The following ADAM23 variants were observed in gnomAD, a reference collection of about 807,000 sequenced individuals.
The protein encoded by ADAM23 is disintegrin and metalloproteinase domain-containing protein 23.
A neutral mutation model predicts 120.1 loss-of-function variants in ADAM23; 33 were observed. That is an observed-to-expected ratio of 0.27 (90% CI 0.21 to 0.37). The LOEUF (loss-of-function observed/expected upper bound fraction) is 0.37, where lower values mean the gene tolerates loss of function less well. Among genes scored for constraint, ADAM23 ranks in the 10% least tolerant of loss-of-function variants. ADAM23 has a pLI of 1.00. For missense variants in ADAM23, 862 were observed against 1,058.2 expected, an observed-to-expected ratio of 0.81 and a Z score of 2.57; for synonymous variants, 367 against 375.2, an observed-to-expected ratio of 0.98 and a Z score of 0.25.
chr2:206,447,429 CT>C (rs1307249791), intron 2 of ADAM23, among the ~76,000 whole-genome samples: 1 of 152,172 alleles, frequency 6.6e-6, no homozygotes, highest in African/African-American at 2.4e-5. Context: ...AAGACATGAT[CT>C]ATCCTCCAGG....
chr2:206,543,381 A>G, intron 6 of ADAM23, 65 bp downstream of exon 6: 1 of 1,299,232 alleles, frequency 7.7e-7, no homozygotes, highest in East Asian at 2.3e-5. Context: ...CTTTGAGAAG[A>G]AAAGAGAAAA....
At chr2:206,501,247 T>C (rs1052982366) in intron 3 of ADAM23, among the ~76,000 whole-genome samples, 1 of 152,172 alleles carries the variant, frequency 6.6e-6, no homozygotes, top group Non-Finnish European at 1.5e-5. Flanking sequence ...TTCGAATCTC[T>C]TCTTATCCCT....
At chr2:206,455,641 T>TA (rs1695282923) in intron 2 of ADAM23, among the ~76,000 whole-genome samples, 1 of 152,228 alleles carries the variant, frequency 6.6e-6, no homozygotes, top group African/African-American at 2.4e-5. Flanking sequence ...TATGGGCACA[T>TA]ACTTTTAGAA....
chr2:206,530,978 AG>A, intron 4 of ADAM23, 30 bp downstream of exon 4: 2 of 1,595,172 alleles, frequency 1.3e-6, no homozygotes, highest in Non-Finnish European at 1.7e-6. Flanking sequence ...CAAGTACTCT[AG>A]TATAAGTGTG....
intron 23 of ADAM23, 93 bp downstream of exon 23, chr2:206,594,998 T>C (rs1369720604): frequency 6.7e-7 from 1 of 1,502,140 alleles, no homozygotes; most frequent in Non-Finnish European, 9.1e-7. Flanking sequence ...CTAGCCAACA[T>C]GGTGAAACAC....
At chr2:206,571,661 G>T in intron 16 of ADAM23, 66 bp from the exon 17 acceptor site, 1 of 1,147,054 alleles carries the variant, frequency 8.7e-7, no homozygotes, top group East Asian at 2.4e-5. Context: ...CATGCCACGT[G>T]TGGAGAGAAT....
At chr2:206,528,163 A>C (rs374160422) in intron 3 of ADAM23, among the ~76,000 whole-genome samples, 2 of 152,186 alleles carry the variant, frequency 1.3e-5, no homozygotes, top group East Asian at 3.9e-4. Context: ...AGAGAGACAC[A>C]GTTGGAATGT....
At position 206,584,369 on chromosome 2, in the gene ADAM23, C is replaced by T. The variant is rs1389647750; in HGVS notation, c.1738-2956C>T. ...CAAGGTCGTGCTTTCCAGAAAGCAT[C>T]AGCTGTAGTAGTGTGGAGAGGGACC... On this transcript the variant is annotated intron_variant, in intron 18 of 25. Transcript: ENST00000264377. 2.0e-5 allele frequency among the ~76,000 whole-genome samples: 3 copies of T among 152,342 alleles called. No individual in the cohort carries two copies. In the East Asian group the frequency reaches 5.8e-4, roughly 29 times the overall value.
At chr2:206,464,654 A>G (rs1256576448) in intron 2 of ADAM23, among the ~76,000 whole-genome samples, 2 of 134,776 alleles carry the variant, frequency 1.5e-5, no homozygotes, top group South Asian at 2.2e-4. Flanking sequence ...GAAGCTATAC[A>G]TACATCTTCT....
chr2:206,473,415 C>G (rs1695702517), intron 2 of ADAM23, among the ~76,000 whole-genome samples: 1 of 151,924 alleles, frequency 6.6e-6, no homozygotes, highest in South Asian at 2.1e-4. Flanking sequence ...ATTAATCATG[C>G]TTATATTGTG....
chr2:206,590,161 G>A (rs953221823), intron 21 of ADAM23, among the ~76,000 whole-genome samples: 1 of 151,902 alleles, frequency 6.6e-6, no homozygotes, highest in Non-Finnish European at 1.5e-5. Flanking sequence ...ACAGTGGCAT[G>A]ATCTCAGCTC....
In ADAM23 at chr2:206,548,271, C is replaced by G. The variant is rs764264966; in HGVS notation, c.794-10C>G. ...CATAAAATTTTGATACTAATTTTTC[C>G]TTTCTGCAGCTATGGAAAGAGGTGA... On this transcript the variant is annotated splice_polypyrimidine_tract_variant and intron_variant, in intron 7 of 25. Coordinates refer to ENST00000264377, the MANE Select transcript of ADAM23 (RefSeq NM_003812.4). 2 of 1,610,828 alleles carry G rather than the reference C, an allele frequency of 1.2e-6. No homozygotes were observed. Among genetic ancestry groups the G allele is most frequent in the Non-Finnish European group, 1.7e-6 (2 of 1,179,340 alleles).
intron 2 of ADAM23, among the ~76,000 whole-genome samples, chr2:206,446,596 G>A (rs922803075): frequency 6.6e-6 from 1 of 152,074 alleles, no homozygotes; most frequent in Non-Finnish European, 1.5e-5. Flanking sequence ...ATTTTCCTAT[G>A]TTGTAAAGCA....
rs1695890694 is a variant in ADAM23, at chr2:206,481,285, C to T, written c.486C>T (p.Phe162=). The T allele has an allele frequency of 2.5e-6, 4 of 1,610,458 alleles. No homozygotes were observed. The Admixed American group carries it at 6.8e-5, about 27-fold the overall frequency. Residue 162 remains phenylalanine, a synonymous_variant, in exon 3 of 26, where the codon TTC becomes TTT. Transcript: ENST00000264377. ...AGATTGAAGCCTTCGGCTCCAAATT[C>T]ATTCTTGACCTCATACTGAACAAGT... is the stretch of plus-strand genomic sequence containing the variant. ...SFQIEAFGSK[F]ILDLILNNGL...
chr2:206,570,531 A>G (rs1281233997), intron 15 of ADAM23, among the ~76,000 whole-genome samples: 1 of 152,202 alleles, frequency 6.6e-6, no homozygotes, highest in Non-Finnish European at 1.5e-5. Flanking sequence ...CCCAAGAGAT[A>G]TTGCCCCATT....
intron 2 of ADAM23, among the ~76,000 whole-genome samples, chr2:206,467,877 C>T (rs949339044): frequency 6.6e-6 from 1 of 152,206 alleles, no homozygotes; most frequent in Admixed American, 6.5e-5. Flanking sequence ...CTCTTATATT[C>T]TGTGCACCGG....
At chr2:206,602,753 GA>G (rs1698663142) in intron 24 of ADAM23, among the ~76,000 whole-genome samples, 1 of 152,076 alleles carries the variant, frequency 6.6e-6, no homozygotes, top group Non-Finnish European at 1.5e-5. Context: ...ATATAAAATA[GA>G]AAATCTTAAG....
intron 9 of ADAM23, among the ~76,000 whole-genome samples, chr2:206,550,470 C>T (rs1361787386): frequency 5.9e-5 from 9 of 151,934 alleles, no homozygotes; most frequent in Admixed American, 3.9e-4. Flanking sequence ...AATTTTATTC[C>T]GTGCTTTTGT....
intron 3 of ADAM23, among the ~76,000 whole-genome samples, chr2:206,499,951 TC>T (rs904233401): frequency 2.6e-5 from 4 of 152,168 alleles, no homozygotes; most frequent in African/African-American, 9.6e-5. Flanking sequence ...ATCAAACTGT[TC>T]CTTCACCCAG....
Sources: gnomAD v4.1 joint callset for allele counts (sites outside exome capture counted in the v4.1 genomes callset) on GRCh38, gnomAD v4.1.1 for gene constraint, MANE v1.5 for transcripts, NCBI Gene and HGNC (gene_info 2026-07-23, HGNC 2026-07-21) for gene names.